AGBL1: variants seen among roughly 807,000 people sequenced by gnomAD.
The protein encoded by AGBL1 is cytosolic carboxypeptidase 4.
In AGBL1, 130 loss-of-function variants were observed where a neutral mutation model predicts 118.9. The observed-to-expected ratio is 1.09, with a 90% CI of 0.95 to 1.26. The LOEUF (loss-of-function observed/expected upper bound fraction) is 1.26. Ranked by LOEUF, AGBL1 falls within the 50% of genes most tolerant of loss-of-function variation. The pLI is 0.00. For synonymous variants in AGBL1, 555 were observed against 478.9 expected, an observed-to-expected ratio of 1.16 and a Z score of -2.08; for missense variants, 1,584 against 1,298.1, an observed-to-expected ratio of 1.22 and a Z score of -3.38.
At chr15:86,611,373 C>T (rs536934847) in intron 21 of AGBL1, among the ~76,000 whole-genome samples, 31 of 152,330 alleles carry the variant, frequency 2.0e-4, no homozygotes, top group Admixed American at 1.6e-3. Flanking sequence ...TGATCCATAA[C>T]ACCAAACCAG....
chr15:86,515,583 A>G (rs2083110322), intron 18 of AGBL1, among the ~76,000 whole-genome samples: 1 of 152,208 alleles, frequency 6.6e-6, no homozygotes, highest in African/African-American at 2.4e-5. Flanking sequence ...AGAATTTAAA[A>G]TTTCAGATTT....
intron 1 of AGBL1, among the ~76,000 whole-genome samples, chr15:86,128,602 C>T (rs911454266): frequency 6.6e-6 from 1 of 152,226 alleles, no homozygotes; most frequent in Non-Finnish European, 1.5e-5. Context: ...CACCTCGTTC[C>T]TTCCACCCCA....
intron 18 of AGBL1, among the ~76,000 whole-genome samples, chr15:86,477,903 C>A (rs2082585854): frequency 6.6e-6 from 1 of 152,184 alleles, no homozygotes; most frequent in Non-Finnish European, 1.5e-5. Context: ...TGGGCTTCAT[C>A]CCTGGGATGC....
At chr15:86,413,782 C>T (rs60789370) in intron 18 of AGBL1, among the ~76,000 whole-genome samples, 5,954 of 151,980 alleles carry the variant, frequency 0.039, 405 homozygotes, top group African/African-American at 0.14. Flanking sequence ...AGTCCCTTTT[C>T]GGATGGATAG....
intron 18 of AGBL1, among the ~76,000 whole-genome samples, chr15:86,415,883 G>A (rs1368562622): frequency 6.6e-6 from 1 of 152,032 alleles, no homozygotes; most frequent in East Asian, 1.9e-4. Context: ...TTATAGTTAA[G>A]ACAATGAAAA....
At chr15:86,959,947 G>T (rs1034315373) in intron 23 of AGBL1, among the ~76,000 whole-genome samples, 4 of 152,050 alleles carry the variant, frequency 2.6e-5, no homozygotes, top group Non-Finnish European at 5.9e-5. Flanking sequence ...GGGGAAATGG[G>T]ATTAGCTCTT....
intron 18 of AGBL1, among the ~76,000 whole-genome samples, 197 bp downstream of exon 18, chr15:86,397,743 G>A (rs2081389775): frequency 6.6e-6 from 1 of 152,172 alleles, no homozygotes; most frequent in African/African-American, 2.4e-5. Flanking sequence ...TGAATAGAAA[G>A]GTATAGAATT....
chr15:86,466,439 T>C (rs767832651), intron 18 of AGBL1, among the ~76,000 whole-genome samples: 1 of 152,228 alleles, frequency 6.6e-6, no homozygotes, highest in Non-Finnish European at 1.5e-5. Flanking sequence ...AATTAGAACA[T>C]GCTCCTTTAG....
At chr15:86,891,430 A>G (rs1399953286) in intron 22 of AGBL1, among the ~76,000 whole-genome samples, 2 of 152,102 alleles carry the variant, frequency 1.3e-5, no homozygotes, top group East Asian at 1.9e-4. Context: ...TAGATCTGAC[A>G]TTGCACCATG....
At position 86,902,953 on chromosome 15, in the gene AGBL1, C is replaced by A. The variant is rs2080231494; in HGVS notation, c.3159-4134C>A. On this transcript the variant is annotated intron_variant, in intron 22 of 22. Coordinates refer to ENST00000614907, the MANE Select transcript of AGBL1 (RefSeq NM_001386094.1). ...TGTATCTGTAGGTTTATGTCCTTTG[C>A]ATAGTTTAGGACATTTTCAGACATT... Among the ~76,000 whole-genome samples, 4 of 152,146 alleles carry A rather than the reference C, an allele frequency of 2.6e-5. No individual in the cohort carries two copies. In the South Asian group the frequency reaches 8.3e-4, roughly 31 times the overall value.
intron 1 of AGBL1, among the ~76,000 whole-genome samples, chr15:86,104,666 C>T (rs925607970): frequency 6.6e-6 from 1 of 152,178 alleles, no homozygotes; most frequent in East Asian, 1.9e-4. Context: ...ATGGCTAAAG[C>T]TTAGGGATGC....
chr15:86,525,901 C>A (rs2083256203), intron 19 of AGBL1, among the ~76,000 whole-genome samples: 1 of 151,884 alleles, frequency 6.6e-6, no homozygotes. Context: ...TTTTGCATGG[C>A]AAAAGAAATA....
rs182992094 is a variant in AGBL1, at chr15:86,375,309, C to A, written c.2375-22057C>A. ...GAAAGCAGGCACCTTCTTCACAAGT[C>A]GGCAGGAAAGAGAAGCATGAAGGAG... On this transcript the variant is annotated intron_variant, in intron 17 of 22. Coordinates refer to ENST00000614907, the MANE Select transcript of AGBL1 (RefSeq NM_001386094.1). 2.6e-5 allele frequency among the ~76,000 whole-genome samples: 4 copies of A among 152,178 alleles called. No homozygotes were observed. In the East Asian group the frequency reaches 7.7e-4, roughly 29 times the overall value.
chr15:86,834,978 C>T (rs930655348), intron 22 of AGBL1, among the ~76,000 whole-genome samples: 10 of 152,090 alleles, frequency 6.6e-5, no homozygotes, highest in African/African-American at 1.9e-4. Flanking sequence ...GGCAATCCCA[C>T]GATATTTAGC....
intron 19 of AGBL1, among the ~76,000 whole-genome samples, chr15:86,524,444 C>T (rs892985264): frequency 2.0e-5 from 3 of 152,182 alleles, no homozygotes; most frequent in African/African-American, 7.2e-5. Flanking sequence ...TTCCAGGTAT[C>T]CTTGCCCAGT....
At chr15:86,593,979 A>G (rs2084373407) in intron 21 of AGBL1, among the ~76,000 whole-genome samples, 1 of 151,750 alleles carries the variant, frequency 6.6e-6, no homozygotes, top group Non-Finnish European at 1.5e-5. Flanking sequence ...TTGGAGTGCA[A>G]CAGTGCAATC....
chr15:86,228,962 G>A (rs962304810), intron 6 of AGBL1, among the ~76,000 whole-genome samples: 3 of 152,154 alleles, frequency 2.0e-5, no homozygotes, highest in Non-Finnish European at 2.9e-5. Flanking sequence ...TCCAAATCCC[G>A]TGCCTTTCCT....
At chr15:86,335,431 C>T (rs1165833889) in intron 17 of AGBL1, among the ~76,000 whole-genome samples, 1 of 152,140 alleles carries the variant, frequency 6.6e-6, no homozygotes, top group Non-Finnish European at 1.5e-5. Flanking sequence ...ACCCACCATG[C>T]CTGGCCTAGA....
intron 22 of AGBL1, among the ~76,000 whole-genome samples, chr15:86,806,318 G>A (rs1596499068): frequency 6.6e-6 from 1 of 152,154 alleles, no homozygotes; most frequent in Non-Finnish European, 1.5e-5. Flanking sequence ...TTGAGAGGGT[G>A]CAAAACTCTG....
Sources: allele counts gnomAD v4.1 joint callset (sites outside exome capture counted in the v4.1 genomes callset), GRCh38; gene constraint gnomAD v4.1.1; transcripts MANE v1.5; gene names NCBI Gene and HGNC (gene_info 2026-07-23, HGNC 2026-07-21).